The following PPARG variants were observed in gnomAD, a reference collection of about 807,000 sequenced individuals.
PPARG encodes the protein peroxisome proliferator activated receptor gamma, also known as peroxisome proliferator-activated receptor gamma.
A neutral mutation model predicts 39.2 loss-of-function variants in PPARG; 17 were observed. That is an observed-to-expected ratio of 0.43 (90% CI 0.30 to 0.65). PPARG has a LOEUF of 0.65. Ranked by LOEUF, PPARG falls within the 30% of genes least tolerant of loss-of-function variation. The pLI, the probability that PPARG is intolerant of heterozygous loss-of-function variation, is 0.13. For missense variants in PPARG, 406 were observed against 585.9 expected, an observed-to-expected ratio of 0.69 and a Z score of 3.17; for synonymous variants, 223 against 215.7, an observed-to-expected ratio of 1.03 and a Z score of -0.30.
intron 1 of PPARG, chr3:12,297,917 C>T (rs1037878823): frequency 6.6e-6 from 1 of 152,054 alleles, no homozygotes; most frequent in African/African-American, 2.4e-5. Context: ...TTATAAATAG[C>T]AGCTGATGCA....
At chr3:12,321,851 C>CAG (rs2047555753) in intron 2 of PPARG, among the ~76,000 whole-genome samples, 1 of 152,196 alleles carries the variant, frequency 6.6e-6, no homozygotes, top group Non-Finnish European at 1.5e-5. Flanking sequence ...TTCTTGAGAA[C>CAG]AGAGACCATG....
chr3:12,318,140 A>G (rs1160029209), intron 2 of PPARG, among the ~76,000 whole-genome samples: 9 of 152,128 alleles, frequency 5.9e-5, no homozygotes, highest in Non-Finnish European at 1.5e-5. Flanking sequence ...CACCTGGCTA[A>G]TTGCTAAATT....
intron 4 of PPARG, among the ~76,000 whole-genome samples, chr3:12,385,370 TTCAG>T (rs1296779616): frequency 6.6e-6 from 1 of 152,174 alleles, no homozygotes; most frequent in African/African-American, 2.4e-5. Flanking sequence ...TTGCCAAAAA[TTCAG>T]TCAGACAGAT....
At chr3:12,334,227 T>C (rs1322353314) in intron 2 of PPARG, among the ~76,000 whole-genome samples, 1 of 151,236 alleles carries the variant, frequency 6.6e-6, no homozygotes, top group African/African-American at 2.4e-5. Flanking sequence ...TTTCTTTTCT[T>C]TTTTTCTTTT....
intron 2 of PPARG, among the ~76,000 whole-genome samples, chr3:12,321,049 C>A (rs1364958539): frequency 6.6e-6 from 1 of 152,214 alleles, no homozygotes; most frequent in Non-Finnish European, 1.5e-5. Flanking sequence ...TTATGTTATA[C>A]ACCAGCATGA....
chr3:12,330,846 T>C (rs1324967813), intron 2 of PPARG, among the ~76,000 whole-genome samples: 2 of 152,228 alleles, frequency 1.3e-5, no homozygotes, highest in Non-Finnish European at 2.9e-5. Context: ...AGAGACCATC[T>C]CTTTTCCAAA....
At chr3:12,403,560 T>C (rs545614630) in intron 5 of PPARG, among the ~76,000 whole-genome samples, 1 of 152,236 alleles carries the variant, frequency 6.6e-6, no homozygotes, top group African/African-American at 2.4e-5. Flanking sequence ...CTCTCTATGT[T>C]GCCCAGGCTG....
intron 2 of PPARG, among the ~76,000 whole-genome samples, chr3:12,340,556 T>G (rs2048154171): frequency 7.2e-5 from 11 of 152,164 alleles, no homozygotes; most frequent in Admixed American, 5.9e-4. Context: ...TTTATTAAAA[T>G]AGAGGCCGTG....
intron 2 of PPARG, among the ~76,000 whole-genome samples, chr3:12,334,957 A>G (rs1336921708): frequency 6.6e-6 from 1 of 152,244 alleles, no homozygotes; most frequent in Admixed American, 6.5e-5. Context: ...AGTAGCATGA[A>G]CTGTCTTCAG....
At chr3:12,326,744 G>A (rs1473894429) in intron 2 of PPARG, among the ~76,000 whole-genome samples, 1 of 147,246 alleles carries the variant, frequency 6.8e-6, no homozygotes, top group Non-Finnish European at 1.5e-5. Context: ...AAAAAAAAAA[G>A]GAGATTTTAA....
At chr3:12,417,877 C>CTTTTTTTTTTGTTTTTTTTTTTTTTT (rs1248011965) in intron 7 of PPARG, among the ~76,000 whole-genome samples, 1 of 64,652 alleles carries the variant, frequency 1.5e-5, no homozygotes, top group African/African-American at 4.7e-5. Context: ...TGACTTTTTT[C>CTTTTTTTTTTGTTTTTTTTTTTTTTT]TTTTTTTTTT....
At chr3:12,287,565 C>G (rs922930132), upstream of PPARG, 5 of 152,252 alleles carry the variant, frequency 3.3e-5, no homozygotes, top group Non-Finnish European at 2.9e-5. Context: ...CTCGGTCTCC[C>G]CAGACCGGCC....
chr3:12,432,504 G>C lies in PPARG; in HGVS notation c.1181-1394G>C, dbSNP rs552128374. 2.0e-5 allele frequency among the ~76,000 whole-genome samples: 3 copies of C among 152,330 alleles called. No homozygotes were observed. The South Asian group carries it at 6.2e-4, about 32-fold the overall frequency. ...CCCTGGAAAGCCAGGAGTAAAACATGTTCTCCATAATCTATAGCAAACATC... is the reference window on the plus strand; with the variant it reads ...CCCTGGAAAGCCAGGAGTAAAACATCTTCTCCATAATCTATAGCAAACATC... On this transcript the variant is annotated intron_variant, in intron 7 of 7. Transcript: ENST00000651735.
intron 6 of PPARG, among the ~76,000 whole-genome samples, chr3:12,409,760 G>T (rs1338854288): frequency 1.3e-5 from 2 of 152,142 alleles, no homozygotes; most frequent in Admixed American, 1.3e-4. Flanking sequence ...TTTGGAAAAG[G>T]AAATGACTTG....
chr3:12,383,648 A>G (rs1445658952), intron 4 of PPARG, among the ~76,000 whole-genome samples: 1 of 152,180 alleles, frequency 6.6e-6, no homozygotes, highest in African/African-American at 2.4e-5. Flanking sequence ...TTTATGGGCT[A>G]GTAAAGCACT....
intron 1 of PPARG, among the ~76,000 whole-genome samples, chr3:12,299,199 G>A (rs2046866745): frequency 6.6e-6 from 1 of 152,100 alleles, no homozygotes; most frequent in South Asian, 2.1e-4. Context: ...TGTGCCACAA[G>A]CTGTTTCAGA....
At chr3:12,406,168 C>T (rs193065676) in intron 6 of PPARG, 87 bp downstream of exon 6, 2 of 1,226,520 alleles carry the variant, frequency 1.6e-6, no homozygotes, top group Non-Finnish European at 2.4e-6. Flanking sequence ...TACTGCGCTA[C>T]AAATGCACAC....
intron 2 of PPARG, among the ~76,000 whole-genome samples, chr3:12,361,338 A>G (rs563886709): frequency 1.6e-3 from 251 of 152,312 alleles, no homozygotes; most frequent in African/African-American, 5.8e-3. Flanking sequence ...CGTTTACTTA[A>G]TAAACAGATA....
chr3:12,361,784 C>T (rs1199810845), intron 2 of PPARG, among the ~76,000 whole-genome samples: 1 of 152,158 alleles, frequency 6.6e-6, no homozygotes, highest in Non-Finnish European at 1.5e-5. Flanking sequence ...GTTGCTCTTC[C>T]CCTTCAAGAT....
Sources: gnomAD v4.1 joint callset for allele counts (sites outside exome capture counted in the v4.1 genomes callset) on GRCh38, gnomAD v4.1.1 for gene constraint, MANE v1.5 for transcripts, NCBI Gene and HGNC (gene_info 2026-07-23, HGNC 2026-07-21) for gene names.